Variants in INTS3 observed in about 807,000 individuals in gnomAD.
The protein encoded by INTS3 is integrator complex subunit 3, also known as SOSS complex subunit A.
Under a neutral mutation model 146.3 loss-of-function variants are expected in INTS3, and 34 were observed. The ratio of observed to expected loss-of-function variants is 0.23; its 90% CI spans 0.18 to 0.31. The LOEUF (loss-of-function observed/expected upper bound fraction) is 0.31, where lower values mean the gene tolerates loss of function less well. Among genes scored for constraint, INTS3 ranks in the 10% least tolerant of loss-of-function variants. The pLI is 1.00. For synonymous variants in INTS3, 475 were observed against 494.9 expected (o/e 0.96, Z 0.53); for missense variants, 757 against 1,304.2 (o/e 0.58, Z 6.46).
intron 3 of INTS3, among the ~76,000 whole-genome samples, chr1:153,746,382 A>G (rs1473759972): frequency 6.6e-6 from 1 of 152,164 alleles, no homozygotes; most frequent in Non-Finnish European, 1.5e-5. Context: ...AGCCTTGCCC[A>G]GCAGGCTTTT....
chr1:153,739,424 C>T (rs1671433498), intron 1 of INTS3, among the ~76,000 whole-genome samples: 1 of 150,606 alleles, frequency 6.6e-6, no homozygotes, highest in Non-Finnish European at 1.5e-5. Flanking sequence ...CTCACCTCGA[C>T]CTCTGCCTCC....
rs144660523 is a variant in INTS3 at position 153,738,634 on chromosome 1, T to C, written c.151-2017T>C. Among the ~76,000 whole-genome samples the C allele has an allele frequency of 1.0e-3, 159 of 152,318 alleles. 2 individuals are homozygous for C. In the South Asian group the frequency reaches 0.013, roughly 13 times the overall value. On this transcript the variant is annotated intron_variant, in intron 1 of 29. Coordinates refer to ENST00000318967, the MANE Select transcript of INTS3 (RefSeq NM_023015.5). The stretch of plus-strand genomic sequence containing the variant: ...CCTCCAGGCTCTCCTACAGTGATTA[T>C]TATATTCCTTTTGTAATTAATAAGT...
intron 10 of INTS3, among the ~76,000 whole-genome samples, chr1:153,758,892 GAGCCCAGGAGTTCA>G (rs948780550): frequency 6.6e-6 from 1 of 151,888 alleles, no homozygotes; most frequent in Non-Finnish European, 1.5e-5. Context: ...AGGATCACTT[GAGCCCAGGAGTTCA>G]AGACCAGCCT....
intron 24 of INTS3, 132 bp downstream of exon 24, chr1:153,770,443 C>A: frequency 1.4e-6 from 1 of 738,058 alleles, no homozygotes; most frequent in Non-Finnish European, 2.4e-6. Context: ...TGCACAAGGG[C>A]AGGCTCTCTG....
intron 1 of INTS3, among the ~76,000 whole-genome samples, chr1:153,731,475 A>C (rs978855062): frequency 4.6e-5 from 7 of 151,964 alleles, no homozygotes; most frequent in African/African-American, 1.7e-4. Flanking sequence ...TAGAACATGT[A>C]GTTCCTAATC....
At position 153,773,232 on chromosome 1, in the gene INTS3, C is replaced by T. The variant is rs1672982568; in HGVS notation, c.3091C>T (p.Arg1031Ter). 3 of 1,613,974 alleles carry T rather than the reference C, an allele frequency of 1.9e-6. No individual in the cohort carries two copies. The highest frequency in any genetic ancestry group is 2.2e-5 in the East Asian group (1 of 44,856). Residue 1031 changes from arginine to a stop codon, truncating the protein, a stop_gained, in exon 30 of 30, where the codon CGA (arginine) becomes TGA (stop). Coordinates refer to ENST00000318967, the MANE Select transcript of INTS3 (RefSeq NM_023015.5). LOFTEE classifies it high-confidence loss of function. Reference sequence around the variant, plus strand: ...GAAACCGAAGCCTACCAAGCGGAAACGAAAAGGGTCCTCTGCAGTGGGCTC... The same window carrying T: ...GAAACCGAAGCCTACCAAGCGGAAATGAAAAGGGTCCTCTGCAGTGGGCTC... ...DTKPKPTKRKRKGSSAVGSDS... is the reference protein window; with the variant it reads ...DTKPKPTKRK
At chr1:153,754,084 A>T (rs988583477) in intron 8 of INTS3, among the ~76,000 whole-genome samples, 1 of 151,602 alleles carries the variant, frequency 6.6e-6, no homozygotes, top group Non-Finnish European at 1.5e-5. Flanking sequence ...TACAGGTGTG[A>T]GCCACCATGC....
rs1672198501 is a variant in INTS3, at chr1:153,757,337, G to T, written c.958-235G>T. ...GGGTAAATGTAGCCTGAGGTCAGTG[G>T]CAAGAATGACTGTAACATCAGAATG... is the stretch of plus-strand genomic sequence containing the variant. On this transcript the variant is annotated intron_variant, in intron 9 of 29. Transcript: ENST00000318967. This position sits in a 1 kb window ranked among gnomAD's most constrained non-coding sequence, Gnocchi z 4.0. Among the ~76,000 whole-genome samples the T allele has an allele frequency of 6.6e-6, 1 of 152,162 alleles. No homozygotes were observed. Among genetic ancestry groups the T allele is most frequent in the Non-Finnish European group, 1.5e-5 (1 of 68,036 alleles).
intron 21 of INTS3, 25 bp downstream of exon 21, chr1:153,767,852 G>A (rs1215502870): frequency 1.3e-6 from 2 of 1,577,612 alleles, no homozygotes. Flanking sequence ...CCGTATCTGT[G>A]CCGGGGGGCT....
At chr1:153,769,698 TC>T in intron 22 of INTS3, 70 bp from the exon 23 acceptor site, 1 of 987,734 alleles carries the variant, frequency 1.0e-6, no homozygotes, top group Non-Finnish European at 1.6e-6. Context: ...CCCTCCTGCG[TC>T]CCCCTCCATA....
Position 153,752,394 on chromosome 1 carries a change from G to C in INTS3, c.845G>C (p.Ser282Thr). The C allele has an allele frequency of 6.2e-7, 1 of 1,611,950 alleles. No individual in the cohort carries two copies. The highest frequency in any genetic ancestry group is 1.3e-5 in the African/African-American group (1 of 74,860). Residue 282 changes from serine (S) to threonine (T), a missense_variant, in exon 8 of 30, where the codon AGT (serine) becomes ACT (threonine). Around this residue, in one of 8 missense-constraint regions of INTS3, gnomAD observed 134 missense variants for 243.1 expected, o/e 0.55. Transcript: ENST00000318967. The part of the protein sequence containing the change: ...KDIIHNPQAL[S>T]PQFTGILQLL... Reference sequence around the variant, plus strand: ...ATTATCCATAATCCTCAGGCCTTGAGTCCTCAGTTCACAGGTAAGTAGGGT... The same window carrying C: ...ATTATCCATAATCCTCAGGCCTTGACTCCTCAGTTCACAGGTAAGTAGGGT...
chr1:153,732,665 C>T (rs1045828028), intron 1 of INTS3, among the ~76,000 whole-genome samples: 2 of 152,060 alleles, frequency 1.3e-5, no homozygotes, highest in Non-Finnish European at 2.9e-5. Context: ...CTAGGCTGGT[C>T]TCAAATTCCT....
rs55766761 is a variant in INTS3 at position 153,770,058 on chromosome 1, G to GGTGT, written c.2390-98_2390-95dup. 1.3e-3 allele frequency: 590 copies of GGTGT among 443,694 alleles called. 2 individuals are homozygous for GGTGT. Among genetic ancestry groups the GGTGT allele is most frequent in the South Asian group, 2.1e-3 (101 of 47,126 alleles). The allele number at this position is 443,694 out of a possible 1,614,324, so 27.5% of individuals were successfully genotyped here. ...GGGGTGCTGGTAGTCAGTGGATTGG[G>GGTGT]GTGTGTGTGTGTGTGTGTGTGTGTG... is the stretch of plus-strand genomic sequence containing the variant. On this transcript the variant is annotated intron_variant, in intron 23 of 29. Coordinates refer to ENST00000318967, the MANE Select transcript of INTS3 (RefSeq NM_023015.5).
chr1:153,759,274 GAAA>G (rs11296120), intron 10 of INTS3, among the ~76,000 whole-genome samples: 4 of 143,404 alleles, frequency 2.8e-5, no homozygotes, highest in Non-Finnish European at 1.5e-5. Flanking sequence ...ACCCTGTCTG[GAAA>G]AAAAAAAAAA....
At chr1:153,770,376 T>C in intron 24 of INTS3, 65 bp downstream of exon 24, 1 of 1,032,738 alleles carries the variant, frequency 9.7e-7, no homozygotes, top group Non-Finnish European at 1.5e-6. Flanking sequence ...AGGGCAAGGC[T>C]GAGGCCTCTA....
chr1:153,757,716 A>G lies in INTS3; in HGVS notation c.1102A>G (p.Ile368Val), dbSNP rs746312226. 16 of 1,614,068 alleles carry G rather than the reference A, an allele frequency of 9.9e-6. No homozygotes were observed. Among genetic ancestry groups the G allele is most frequent in the Admixed American group, 1.7e-5 (1 of 60,030 alleles). ...HPSNEVLSSD[I>V]LPRWAIIGWL... ...TTCTAATGAAGTACTGAGTTCAGAT[A>G]TCTTGCCCCGGTGGGCCATCATTGG... Residue 368 changes from isoleucine (I) to valine (V), a missense_variant, in exon 10 of 30, where the codon ATC becomes GTC. By Grantham distance (29) the Ile-to-Val change is conservative (BLOSUM62 3). Transcript: ENST00000318967. The surrounding 1 kb of genome is among the most constrained non-coding windows in gnomAD (Gnocchi z 4.0).
rs1013878820 is a variant in INTS3 at position 153,748,823 on chromosome 1, TG to T, written c.584+72del. 2.0e-5 allele frequency: 26 copies of T among 1,280,600 alleles called. No homozygotes were observed. The African/African-American group carries it at 3.7e-4, about 18-fold the overall frequency. 79.3% of individuals were successfully genotyped at this position (1,280,600 alleles called of 1,614,324 possible). A position where few individuals can be genotyped will look rare whatever the true frequency, so the allele number is the denominator to read the frequency against. Reference sequence around the variant, plus strand: ...CCATTAGGAGTGTGGGTGTGGGAAATGGGGATGAAAGGATTGTGTGGCCCAA... The same window carrying T: ...CCATTAGGAGTGTGGGTGTGGGAAATGGGATGAAAGGATTGTGTGGCCCAA... On this transcript the variant is annotated intron_variant, in intron 6 of 29. Transcript: ENST00000318967.
At position 153,759,654 on chromosome 1, in the gene INTS3, C is replaced by A. The variant is rs199646184; in HGVS notation, c.1237+41C>A. ...CAGGCGGCTCCACTTCCCCATCCCC[C>A]TAAGCCCCCACTGCCTTCCTTAGTG... is the stretch of plus-strand genomic sequence containing the variant. On this transcript the variant is annotated intron_variant, in intron 11 of 29. Transcript: ENST00000318967. 4.0e-3 allele frequency: 5,206 copies of A among 1,309,482 alleles called. 19 individuals are homozygous for A. Among genetic ancestry groups the A allele is most frequent in the Middle Eastern group, 0.014 (76 of 5,524 alleles). 81.1% of individuals were successfully genotyped at this position (1,309,482 alleles called of 1,614,324 possible).
chr1:153,761,631 G>C lies in INTS3; in HGVS notation c.1471G>C (p.Glu491Gln). Residue 491 changes from glutamate to glutamine, a missense_variant, in exon 14 of 30, where the codon GAG becomes CAG. Glu to Gln is a conservative substitution (Grantham distance 29). Transcript: ENST00000318967. The stretch of plus-strand genomic sequence containing the variant: ...TAAGGAGCTGCGGGCAATGCTGAGA[G>C]AGAAGTTTCCTGAGTTCTGCAGCTC... The part of the protein sequence containing the change: ...LDKELRAMLR[E>Q]KFPEFCSSPS... 6.2e-7 allele frequency: 1 copy of C among 1,614,226 alleles called. No individual in the cohort carries two copies. Among genetic ancestry groups the C allele is most frequent in the Non-Finnish European group, 8.5e-7 (1 of 1,180,026 alleles).
Sources: allele counts gnomAD v4.1 joint callset (sites outside exome capture counted in the v4.1 genomes callset), GRCh38; gene constraint gnomAD v4.1.1; regional missense constraint gnomAD v4.1.1; non-coding constraint Gnocchi (gnomAD v3.1); transcripts MANE v1.5; gene names NCBI Gene and HGNC (gene_info 2026-07-23, HGNC 2026-07-21).